SHOX: variants seen among roughly 807,000 people sequenced by gnomAD.
SHOX encodes the protein SHOX homeobox.
SHOX carries 12 observed loss-of-function variants against 29.6 expected under a neutral mutation model. The observed-to-expected ratio is 0.41, with a 90% confidence interval of 0.26 to 0.66. The LOEUF (loss-of-function observed/expected upper bound fraction) is 0.66, where lower values mean the gene tolerates loss of function less well. SHOX is among the 30% of genes least tolerant of loss of function. The probability of loss-of-function intolerance (pLI) is 0.35; values close to 1 mark genes in which losing one functional copy is unlikely to be tolerated. For missense variants in SHOX, 499 were observed against 437.7 expected (o/e 1.14, Z -1.25); for synonymous variants, 214 against 200.6 (o/e 1.07, Z -0.57).
At chrX:633,623 T>C (rs1161107097) in intron 1 of SHOX, among the ~76,000 whole-genome samples, 4 of 152,052 alleles carry the variant, frequency 2.6e-5, no homozygotes, top group South Asian at 2.1e-4. Context: ...CTGTGCCCCT[T>C]TGAGACTGTT....
Position 644,962 on chromosome X carries a change from T to G in SHOX, c.*326T>G. 2.9e-6 allele frequency: 1 copy of G among 348,964 alleles called. No homozygotes were observed. Among genetic ancestry groups the G allele is most frequent in the Non-Finnish European group, 5.1e-6 (1 of 195,554 alleles). The allele number at this position is 348,964 out of a possible 1,614,324, so 21.6% of individuals were successfully genotyped here. A position where few individuals can be genotyped will look rare whatever the true frequency, so the allele number is the denominator to read the frequency against. On this transcript the variant is annotated 3_prime_UTR_variant, in exon 5 of 5. Coordinates refer to ENST00000686671, the MANE Select transcript of SHOX (RefSeq NM_000451.4). Reference sequence around the variant, plus strand: ...GGCTGCGTCTTCCTCTGCTATACCCTATGCATGCGGTTAACTACACACGTT... The same window carrying G: ...GGCTGCGTCTTCCTCTGCTATACCCGATGCATGCGGTTAACTACACACGTT...
chrX:655,610 C>CTA (rs2053134114), downstream of SHOX, among the ~76,000 whole-genome samples: 1 of 19,146 alleles, frequency 5.2e-5, no homozygotes, highest in African/African-American at 2.3e-4. Flanking sequence ...CTCTCTCTCT[C>CTA]TCTCTATATA....
In SHOX at chrX:644,772, G is replaced by C. The variant is rs2052934346; in HGVS notation, c.*136G>C. On this transcript the variant is annotated 3_prime_UTR_variant, in exon 5 of 5. Transcript: ENST00000686671. Reference sequence around the variant, plus strand: ...CCGGGCACCCCGGGAGCTCCTGCAAGAGGCCTGAGGAGGGAGGCTCCCGGG... The same window carrying C: ...CCGGGCACCCCGGGAGCTCCTGCAACAGGCCTGAGGAGGGAGGCTCCCGGG... 7 of 1,184,218 alleles carry C rather than the reference G, an allele frequency of 5.9e-6. 1 individual carries two copies. Among genetic ancestry groups the C allele is most frequent in the Middle Eastern group, 6.1e-4 (2 of 3,284 alleles). 73.4% of individuals were successfully genotyped at this position (1,184,218 alleles called of 1,614,324 possible).
intron 1 of SHOX, among the ~76,000 whole-genome samples, chrX:625,427 T>C (rs1199358207): frequency 6.6e-6 from 1 of 152,208 alleles, no homozygotes; most frequent in East Asian, 1.9e-4. Flanking sequence ...GAAAAGTCTC[T>C]TCTCATCGGC....
At chrX:624,451 G>A (rs1174950391) in exon 1 of SHOX, 1 of 151,430 alleles carries the variant, frequency 6.6e-6, no homozygotes, top group Non-Finnish European at 1.5e-5. Context: ...AAACAGAAAT[G>A]GGAGGGTGGA....
At chrX:627,247 G>A (rs1267079923), upstream of SHOX, among the ~76,000 whole-genome samples, 1 of 152,144 alleles carries the variant, frequency 6.6e-6, no homozygotes, top group African/African-American at 2.4e-5. Context: ...CTGGAGCTGC[G>A]GCCTCTCGGA....
rs190114320 is a variant in SHOX at position 649,527 on chromosome X, G to A, written c.*4891G>A. Among the ~76,000 whole-genome samples, 6 of 152,162 alleles carry A rather than the reference G, an allele frequency of 3.9e-5. No individual in the cohort carries two copies. Among genetic ancestry groups the A allele is most frequent in the South Asian group, 4.1e-4 (2 of 4,824 alleles). ...ATTTATGGGGTGGGTGTACGCTGGC[G>A]ATTCTTGGTGCTTTTTGCTCAAAAC... On this transcript the variant is annotated 3_prime_UTR_variant, in exon 5 of 5. Transcript: ENST00000686671.
chrX:639,694 G>A (rs1431468235), intron 2 of SHOX, among the ~76,000 whole-genome samples: 3 of 152,350 alleles, frequency 2.0e-5, no homozygotes, highest in Middle Eastern at 3.4e-3. Context: ...GGCAGGGCAC[G>A]GATGATTTAA....
chrX:627,291 G>A (rs2052555123), upstream of SHOX, among the ~76,000 whole-genome samples: 3 of 152,134 alleles, frequency 2.0e-5, no homozygotes, highest in Admixed American at 2.0e-4. Context: ...AAACGTGTGG[G>A]GTAGAAAAAG....
chrX:640,961 A>T, intron 3 of SHOX, 38 bp from the exon 4 acceptor site: 1 of 1,613,418 alleles, frequency 6.2e-7, no homozygotes, highest in East Asian at 2.2e-5. Flanking sequence ...GGCTACACCC[A>T]GGACCACCAC....
downstream of SHOX, among the ~76,000 whole-genome samples, chrX:654,267 A>C (rs2053107113): frequency 1.3e-5 from 2 of 151,978 alleles, no homozygotes; most frequent in Admixed American, 1.3e-4. Context: ...CGAGACCCTC[A>C]TCTCTACAAA....
intron 2 of SHOX, among the ~76,000 whole-genome samples, chrX:636,319 AAT>A (rs887756823): frequency 9.1e-5 from 13 of 143,018 alleles, no homozygotes; most frequent in Admixed American, 2.9e-4. Flanking sequence ...AATATGTATA[AAT>A]ATATATAAAC....
In SHOX at chrX:649,120, C is replaced by T. The variant is rs915169337; in HGVS notation, c.*4484C>T. 6.6e-6 allele frequency among the ~76,000 whole-genome samples: 1 copy of T among 151,952 alleles called. No homozygotes were observed. Among genetic ancestry groups the T allele is most frequent in the Non-Finnish European group, 1.5e-5 (1 of 68,024 alleles). On this transcript the variant is annotated 3_prime_UTR_variant, in exon 5 of 5. Transcript: ENST00000686671. ...TGGTGCAATCCCAGCTCACTGCATCCTCTACCTCCTGGCTTCAAGAAATTC... is the reference window on the plus strand; with the variant it reads ...TGGTGCAATCCCAGCTCACTGCATCTTCTACCTCCTGGCTTCAAGAAATTC...
Position 631,169 on chromosome X carries a change from C to A in SHOX, c.272C>A (p.Ala91Glu), listed in dbSNP as rs1214244701. 1 of 1,612,558 alleles carries A rather than the reference C, an allele frequency of 6.2e-7. No individual in the cohort carries two copies. The highest frequency in any genetic ancestry group is 8.5e-7 in the Non-Finnish European group (1 of 1,179,706). Residue 91 changes from alanine (A) to glutamate (E), a missense_variant, in exon 1 of 5, where the codon GCA becomes GAA. Physicochemically the swap from Ala to Glu is moderately radical, Grantham distance 107. Coordinates refer to ENST00000686671, the MANE Select transcript of SHOX (RefSeq NM_000451.4). ...AAAGAATTCGGCACCGCGAGAGTGGCAGAAGGTAAGTTCCTTTGCGCTCCG... is the reference window on the plus strand; with the variant it reads ...AAAGAATTCGGCACCGCGAGAGTGGAAGAAGGTAAGTTCCTTTGCGCTCCG... Reference protein sequence around the residue: ...KLKEFGTARVAEGIYECKEKR... With the variant: ...KLKEFGTARVEEGIYECKEKR...
At chrX:653,836 T>C (rs2053101146), downstream of SHOX, among the ~76,000 whole-genome samples, 1 of 152,076 alleles carries the variant, frequency 6.6e-6, no homozygotes, top group African/African-American at 2.4e-5. Flanking sequence ...TGTAGGGATT[T>C]AAAGAAAAAT....
downstream of SHOX, among the ~76,000 whole-genome samples, chrX:655,256 C>G (rs1234618515): frequency 6.6e-6 from 1 of 151,570 alleles, no homozygotes; most frequent in South Asian, 2.1e-4. Flanking sequence ...TACAGGTGCC[C>G]GCCACCACGC....
Position 634,392 on chromosome X carries a change from C to G in SHOX, c.278-226C>G, listed in dbSNP as rs139336681. Among the ~76,000 whole-genome samples the G allele has an allele frequency of 4.0e-3, 610 of 152,200 alleles. 1 individual carries two copies. Among genetic ancestry groups the G allele is most frequent in the Non-Finnish European group, 5.5e-3 (372 of 68,016 alleles). ...GAGGTGAAGTGGATAATTGAGGAAACGATTCTGAGATGAGGCCAAGAAAAC... is the reference window on the plus strand; with the variant it reads ...GAGGTGAAGTGGATAATTGAGGAAAGGATTCTGAGATGAGGCCAAGAAAAC... On this transcript the variant is annotated intron_variant, in intron 1 of 4. Transcript: ENST00000686671.
In SHOX at chrX:645,388, G is replaced by GTTTTTTTTTTTTTTTTT. The variant is rs1398738646; in HGVS notation, c.*753_*754insTTTTTTTTTTTTTTTTT. ...TTGGGTCTGGTTTTGTTTTGGATTG[G>GTTTTTTTTTTTTTTTTT]TATTTTTTTTTTTTTTTTTTTTTTT... On this transcript the variant is annotated 3_prime_UTR_variant, in exon 5 of 5. Transcript: ENST00000686671. 10 of 77,746 alleles carry GTTTTTTTTTTTTTTTTT rather than the reference G, an allele frequency of 1.3e-4. 2 individuals carry two copies. The highest frequency in any genetic ancestry group is 4.1e-4 in the African/African-American group (10 of 24,340). The allele number at this position is 77,746 out of a possible 1,614,324, so 4.8% of individuals were successfully genotyped here. A position where few individuals can be genotyped will look rare whatever the true frequency, so the allele number is the denominator to read the frequency against.
At chrX:628,477 CTG>C (rs1199288413), upstream of SHOX, among the ~76,000 whole-genome samples, 5 of 121,534 alleles carry the variant, frequency 4.1e-5, no homozygotes, top group African/African-American at 1.3e-4. Context: ...CTGTCTCTCC[CTG>C]TGTTTCTCTC....
Sources: gnomAD v4.1 joint callset for allele counts (sites outside exome capture counted in the v4.1 genomes callset) on GRCh38, gnomAD v4.1.1 for gene constraint, MANE v1.5 for transcripts, NCBI Gene and HGNC (gene_info 2026-07-23, HGNC 2026-07-21) for gene names.